The following PCDH11X variants were observed in gnomAD, a reference collection of about 807,000 sequenced individuals.
The protein encoded by PCDH11X is protocadherin-11 X-linked.
Under a neutral mutation model 53.3 loss-of-function variants are expected in PCDH11X, and 18 were observed. The observed-to-expected ratio is 0.34, with a 90% CI of 0.23 to 0.50. The LOEUF (loss-of-function observed/expected upper bound fraction) is 0.50. PCDH11X is among the 20% of genes least tolerant of loss of function. PCDH11X has a pLI of 0.98. For missense variants in PCDH11X, 570 were observed against 1,032.4 expected (o/e 0.55, Z 6.14); for synonymous variants, 279 against 393.3 (o/e 0.71, Z 3.44).
At chrX:92,338,302 C>T (rs1241267197) in intron 8 of PCDH11X, among the ~76,000 whole-genome samples, 2 of 111,637 alleles carry the variant, frequency 1.8e-5, no homozygotes, top group African/African-American at 3.3e-5. Context: ...AGAGTTTAGG[C>T]TACACTCTGT....
intron 10 of PCDH11X, among the ~76,000 whole-genome samples, chrX:92,478,754 C>T (rs2148671235): frequency 9.2e-6 from 1 of 109,082 alleles, no homozygotes; most frequent in African/African-American, 3.3e-5. Context: ...CTTATTATTT[C>T]AGTTCTTTTG....
At chrX:92,147,810 C>CTTTCTCTTTCTTT (rs1556065506) in intron 6 of PCDH11X, among the ~76,000 whole-genome samples, 1 of 70,198 alleles carries the variant, frequency 1.4e-5, no homozygotes, top group Non-Finnish European at 2.6e-5. Flanking sequence ...TTTCTTCCTT[C>CTTTCTCTTTCTTT]CTTTCTTTCT....
intron 8 of PCDH11X, among the ~76,000 whole-genome samples, chrX:92,372,134 A>G (rs993608285): frequency 2.6e-4 from 29 of 110,765 alleles, no homozygotes; most frequent in African/African-American, 7.2e-4. Context: ...ATGACTATCA[A>G]TATCAGGATC....
intron 9 of PCDH11X, among the ~76,000 whole-genome samples, chrX:92,436,787 A>T (rs2072385618): frequency 9.1e-6 from 1 of 110,177 alleles, no homozygotes; most frequent in Non-Finnish European, 1.9e-5. Context: ...GAACAAAGAA[A>T]GAAACAACAG....
intron 10 of PCDH11X, among the ~76,000 whole-genome samples, chrX:92,579,032 C>T (rs1171370274): frequency 2.8e-5 from 3 of 107,772 alleles, no homozygotes; most frequent in East Asian, 5.9e-4. Flanking sequence ...TAAGAAATTC[C>T]GGGTTGGCAA....
intron 6 of PCDH11X, among the ~76,000 whole-genome samples, chrX:92,020,305 G>C (rs1382121960): frequency 8.9e-6 from 1 of 112,305 alleles, no homozygotes; most frequent in Non-Finnish European, 1.9e-5. Flanking sequence ...CCCAGGGCAA[G>C]GGAAGGACAG....
intron 6 of PCDH11X, chrX:91,883,277 A>G (rs1409141734): frequency 4.0e-6 from 3 of 756,409 alleles, no homozygotes; most frequent in African/African-American, 5.1e-5. Context: ...TCAGTCATGA[A>G]ACATGCAATT....
intron 6 of PCDH11X, among the ~76,000 whole-genome samples, chrX:92,019,791 C>A (rs748792819): frequency 1.8e-5 from 2 of 112,165 alleles, no homozygotes; most frequent in Admixed American, 1.9e-4. Context: ...AGATGGCCAA[C>A]TAGAAGCAGC....
chrX:91,828,867 C>T (rs192045343), intron 4 of PCDH11X, among the ~76,000 whole-genome samples: 1 of 111,104 alleles, frequency 9.0e-6, no homozygotes, highest in South Asian at 3.7e-4. Flanking sequence ...CATTTTCTGA[C>T]GACTAATATC....
At chrX:91,967,468 A>G (rs985031617) in intron 6 of PCDH11X, among the ~76,000 whole-genome samples, 3 of 110,431 alleles carry the variant, frequency 2.7e-5, no homozygotes. Flanking sequence ...TCTTATGAGA[A>G]ATCTAGCTAA....
At chrX:92,245,064 G>T (rs2067323201) in intron 7 of PCDH11X, among the ~76,000 whole-genome samples, 1 of 112,002 alleles carries the variant, frequency 8.9e-6, no homozygotes, top group Admixed American at 9.5e-5. Context: ...ATGATAAACT[G>T]GGAAAAAAGG....
chrX:92,350,367 G>A (rs935465147), intron 8 of PCDH11X, among the ~76,000 whole-genome samples: 2 of 110,718 alleles, frequency 1.8e-5, no homozygotes, highest in Admixed American at 1.9e-4. Flanking sequence ...CTATGTCAGA[G>A]GGAAGATCTG....
intron 6 of PCDH11X, among the ~76,000 whole-genome samples, chrX:92,003,073 C>A (rs1280491902): frequency 9.7e-6 from 1 of 103,554 alleles, no homozygotes; most frequent in Non-Finnish European, 2.0e-5. Flanking sequence ...CGTCTATTCC[C>A]AGGTTTTTTA....
At chrX:92,490,760 GAGAA>G (rs1225801116) in intron 10 of PCDH11X, among the ~76,000 whole-genome samples, 3 of 98,071 alleles carry the variant, frequency 3.1e-5, no homozygotes, top group Non-Finnish European at 4.0e-5. Context: ...AAGAAAGAAA[GAGAA>G]AGAAAGAAAG....
At chrX:92,613,846 C>A (rs761452204) in intron 10 of PCDH11X, among the ~76,000 whole-genome samples, 2 of 109,916 alleles carry the variant, frequency 1.8e-5, no homozygotes, top group Non-Finnish European at 3.8e-5. Context: ...TCTTAAAATT[C>A]TTTTCTTCTT....
chrX:91,989,290 C>A (rs1000285986), intron 6 of PCDH11X, among the ~76,000 whole-genome samples: 1 of 111,065 alleles, frequency 9.0e-6, no homozygotes, highest in African/African-American at 3.3e-5. Context: ...AGGCCGGGCG[C>A]GGTGGCTCAT....
intron 6 of PCDH11X, among the ~76,000 whole-genome samples, chrX:92,092,439 G>T (rs1248684065): frequency 9.0e-6 from 1 of 111,015 alleles, no homozygotes; most frequent in Non-Finnish European, 1.9e-5. Context: ...GCCCCAGGAG[G>T]TCCTCAAAAC....
At chrX:92,320,446 C>A (rs1441794883) in intron 8 of PCDH11X, among the ~76,000 whole-genome samples, 1 of 110,604 alleles carries the variant, frequency 9.0e-6, no homozygotes, top group Non-Finnish European at 1.9e-5. Context: ...CACACACACA[C>A]AAACACATAC....
intron 6 of PCDH11X, among the ~76,000 whole-genome samples, chrX:91,955,529 A>G (rs1333804773): frequency 1.8e-5 from 2 of 110,132 alleles, no homozygotes; most frequent in Non-Finnish European, 3.8e-5. Context: ...TTATTTACCC[A>G]CAAGACATTC....
Sources: gnomAD v4.1 joint callset for allele counts (sites outside exome capture counted in the v4.1 genomes callset) on GRCh38, gnomAD v4.1.1 for gene constraint, MANE v1.5 for transcripts, NCBI Gene and HGNC (gene_info 2026-07-23, HGNC 2026-07-21) for gene names.